The following NDUFAF7 variants were observed in gnomAD, a reference collection of about 807,000 sequenced individuals.
The protein encoded by NDUFAF7 is protein arginine methyltransferase NDUFAF7, mitochondrial.
Under a neutral mutation model 47.2 loss-of-function variants are expected in NDUFAF7, and 48 were observed. The ratio of observed to expected loss-of-function variants is 1.02; its 90% CI spans 0.81 to 1.29. The LOEUF (loss-of-function observed/expected upper bound fraction) is 1.29. Ranked by LOEUF, NDUFAF7 falls within the 50% of genes most tolerant of loss-of-function variation. NDUFAF7 has a pLI of 0.00. For synonymous variants in NDUFAF7, 217 were observed against 190.0 expected, an observed-to-expected ratio of 1.14 and a Z score of -1.17; for missense variants, 635 against 537.6, an observed-to-expected ratio of 1.18 and a Z score of -1.79.
In NDUFAF7 at chr2:37,231,703, A is replaced by G. The variant is rs776293785; in HGVS notation, c.-3A>G. The G allele has an allele frequency of 1.9e-6, 3 of 1,614,122 alleles. No individual in the cohort carries two copies. Among genetic ancestry groups the G allele is most frequent in the Admixed American group, 1.7e-5 (1 of 60,008 alleles). On this transcript the variant is annotated 5_prime_UTR_variant, in exon 1 of 10. Coordinates refer to ENST00000002125, the MANE Select transcript of NDUFAF7 (RefSeq NM_144736.5). ...CGGAGCGAGCTAGCCTGCGAATTTCAGCATGAGTGTACTGCTGAGGTCAGG... is the reference window on the plus strand; with the variant it reads ...CGGAGCGAGCTAGCCTGCGAATTTCGGCATGAGTGTACTGCTGAGGTCAGG...
the NDUFAF7 span, among the ~76,000 whole-genome samples, chr2:37,259,158 T>A: frequency 3.3e-5 from 5 of 152,320 alleles, no homozygotes; most frequent in East Asian, 1.9e-4. Context: ...TGAGAAATGT[T>A]ATTTTATGTA....
intron 9 of NDUFAF7, among the ~76,000 whole-genome samples, 173 bp from the exon 10 acceptor site, chr2:37,247,958 GGTTT>G (rs1236860007): frequency 1.2e-4 from 19 of 152,266 alleles, no homozygotes; most frequent in Middle Eastern, 6.8e-3. Flanking sequence ...CAAATCCTTA[GGTTT>G]GTTTCACACC....
chr2:37,231,683 C>A lies in NDUFAF7; in HGVS notation c.-23C>A, dbSNP rs532720120. 1 of 1,614,216 alleles carries A rather than the reference C, an allele frequency of 6.2e-7. No individual in the cohort carries two copies. Among genetic ancestry groups the A allele is most frequent in the South Asian group, 1.1e-5 (1 of 91,086 alleles). On this transcript the variant is annotated 5_prime_UTR_variant, in exon 1 of 10. Transcript: ENST00000002125. Reference sequence around the variant, plus strand: ...GTCTAAGCCCCAGCTCCTGGCGGAGCGAGCTAGCCTGCGAATTTCAGCATG... The same window carrying A: ...GTCTAAGCCCCAGCTCCTGGCGGAGAGAGCTAGCCTGCGAATTTCAGCATG...
At chr2:37,256,983 A>G (rs930978573), downstream of NDUFAF7, 12 of 1,571,006 alleles carry the variant, frequency 7.6e-6, no homozygotes, top group African/African-American at 1.4e-4. Context: ...ATATGTAACT[A>G]CCTGTCCCTA....
At chr2:37,245,883 A>G (rs543990246) in intron 7 of NDUFAF7, among the ~76,000 whole-genome samples, 169 bp from the exon 8 acceptor site, 15 of 152,360 alleles carry the variant, frequency 9.8e-5, no homozygotes, top group African/African-American at 3.4e-4. Flanking sequence ...GGAGTTTTGT[A>G]TAATAAAAAG....
chr2:37,232,400 C>T (rs1436885509), intron 2 of NDUFAF7, 134 bp downstream of exon 2: 16 of 1,169,204 alleles, frequency 1.4e-5, no homozygotes, highest in Non-Finnish European at 1.8e-5. Flanking sequence ...TTCTGAGGAC[C>T]TGGGGACAGA....
downstream of NDUFAF7, among the ~76,000 whole-genome samples, chr2:37,255,761 T>C (rs189745601): frequency 1.8e-4 from 27 of 152,284 alleles, no homozygotes; most frequent in African/African-American, 6.3e-4. Context: ...ATCCCAGCAC[T>C]TTGGGAGGTC....
At chr2:37,256,211 G>A (rs1380960829), downstream of NDUFAF7, among the ~76,000 whole-genome samples, 1 of 152,144 alleles carries the variant, frequency 6.6e-6, no homozygotes, top group Non-Finnish European at 1.5e-5. Context: ...AAACAACTAG[G>A]TTTGTGTAGG....
Position 37,248,270 on chromosome 2 carries a change from G to A in NDUFAF7, c.1246G>A (p.Gly416Arg). 6.2e-7 allele frequency: 1 copy of A among 1,614,080 alleles called. No individual in the cohort carries two copies. Among genetic ancestry groups the A allele is most frequent in the Admixed American group, 1.7e-5 (1 of 60,002 alleles). ...ALLPHQRLQG[G>R]RYQRNARQSK... The stretch of plus-strand genomic sequence containing the variant: ...GCTACCTCATCAGAGACTTCAAGGT[G>A]GAAGATATCAGAGGAATGCACGTCA... Residue 416 changes from glycine (G) to arginine (R), a missense_variant, in exon 10 of 10, where the codon GGA becomes AGA. Transcript: ENST00000002125.
intron 8 of NDUFAF7, 57 bp from the exon 9 acceptor site, chr2:37,247,399 A>G: frequency 6.4e-7 from 1 of 1,573,226 alleles, no homozygotes; most frequent in East Asian, 2.2e-5. Flanking sequence ...ATATGATAGC[A>G]TTTCTTTAAT....
downstream of NDUFAF7, among the ~76,000 whole-genome samples, chr2:37,254,471 T>C (rs1265837803): frequency 6.6e-6 from 1 of 152,202 alleles, no homozygotes; most frequent in Non-Finnish European, 1.5e-5. Flanking sequence ...TTTAAGTGTA[T>C]CTGTCAAATT....
the NDUFAF7 span, among the ~76,000 whole-genome samples, chr2:37,262,293 G>A: frequency 6.6e-6 from 1 of 152,034 alleles, no homozygotes; most frequent in Non-Finnish European, 1.5e-5. Context: ...TGGGACTACT[G>A]CAATAGTTTC....
Position 37,231,789 on chromosome 2 carries a change from T to G in NDUFAF7, c.55+29T>G, listed in dbSNP as rs758434272. 9 of 1,613,922 alleles carry G rather than the reference T, an allele frequency of 5.6e-6. No individual in the cohort carries two copies. The South Asian group carries it at 8.8e-5, about 16-fold the overall frequency. On this transcript the variant is annotated intron_variant, in intron 1 of 9. Coordinates refer to ENST00000002125, the MANE Select transcript of NDUFAF7 (RefSeq NM_144736.5). The stretch of plus-strand genomic sequence containing the variant: ...AGCGTCAGTCCCCTCGAAGCCCGGT[T>G]GCCGTGGAAGCCGCGTGGGGCGCCT...
chr2:37,232,217 C>T lies in NDUFAF7; in HGVS notation c.167C>T (p.Pro56Leu). ...ATGTACAAAATAAAGTCTACTGGTC[C>T]CATCACTGTGGCCGAGTACATGAAG... Reference protein sequence around the residue: ...HLMYKIKSTGPITVAEYMKEV... With the variant: ...HLMYKIKSTGLITVAEYMKEV... The change falls in exon 2 of 10, where the codon CCC becomes CTC. Residue 56 changes from proline to leucine, a missense_variant. Pro to Leu is a moderately conservative substitution (Grantham distance 98). Transcript: ENST00000002125. 6.2e-7 allele frequency: 1 copy of T among 1,613,864 alleles called. No individual in the cohort carries two copies. Among genetic ancestry groups the T allele is most frequent in the Non-Finnish European group, 8.5e-7 (1 of 1,180,042 alleles).
downstream of NDUFAF7, among the ~76,000 whole-genome samples, chr2:37,257,084 T>C (rs1668013380): frequency 6.6e-6 from 1 of 152,188 alleles, no homozygotes; most frequent in South Asian, 2.1e-4. Context: ...AAAATATCCT[T>C]TTCTCAAAAG....
the NDUFAF7 span, among the ~76,000 whole-genome samples, chr2:37,265,754 G>C: frequency 2.0e-5 from 3 of 152,224 alleles, no homozygotes; most frequent in Admixed American, 1.3e-4. Flanking sequence ...AAATAGCATA[G>C]AGACATCCTA....
intron 3 of NDUFAF7, among the ~76,000 whole-genome samples, chr2:37,236,601 G>A (rs183948503): frequency 1.9e-4 from 29 of 151,780 alleles, no homozygotes; most frequent in African/African-American, 6.5e-4. Flanking sequence ...ACGGTGAAAC[G>A]CAGTCTCTAC....
downstream of NDUFAF7, among the ~76,000 whole-genome samples, chr2:37,255,727 TG>T (rs543839936): frequency 1.3e-3 from 205 of 152,308 alleles, no homozygotes; most frequent in African/African-American, 4.7e-3. Flanking sequence ...AAAATGGGGC[TG>T]GGTGCAGTGG....
chr2:37,250,116 G>T (rs774194978), downstream of NDUFAF7, among the ~76,000 whole-genome samples: 31 of 151,516 alleles, frequency 2.0e-4, no homozygotes, highest in Non-Finnish European at 4.1e-4. Context: ...TTCCAATGTG[G>T]CTAGGACCTA....
Sources: allele counts gnomAD v4.1 joint callset (sites outside exome capture counted in the v4.1 genomes callset), GRCh38; gene constraint gnomAD v4.1.1; transcripts MANE v1.5; gene names NCBI Gene and HGNC (gene_info 2026-07-23, HGNC 2026-07-21).